Variants in E2F5 observed in about 807,000 individuals in gnomAD.
The protein encoded by E2F5 is E2F transcription factor 5, also known as transcription factor E2F5.
E2F5 carries 23 observed loss-of-function variants against 39.1 expected under a neutral mutation model. The observed-to-expected ratio is 0.59, with a 90% CI of 0.42 to 0.83. E2F5 has a LOEUF of 0.83. E2F5 is among the 40% of genes least tolerant of loss of function. E2F5 has a pLI of 0.00. For missense variants in E2F5, 365 were observed against 406.7 expected (o/e 0.90, Z 0.88); for synonymous variants, 145 against 157.8 (o/e 0.92, Z 0.61).
At chr8:85,178,446 A>G (rs931928713) in intron 1 of E2F5, among the ~76,000 whole-genome samples, 5 of 152,222 alleles carry the variant, frequency 3.3e-5, no homozygotes, top group South Asian at 2.1e-4. Context: ...GCAGGCATCA[A>G]AAGCTGTTCT....
intron 1 of E2F5, among the ~76,000 whole-genome samples, chr8:85,178,449 G>C (rs376404345): frequency 4.6e-5 from 7 of 152,200 alleles, no homozygotes; most frequent in Non-Finnish European, 7.3e-5. Flanking sequence ...GGCATCAAAA[G>C]CTGTTCTGTC....
chr8:85,204,786 C>T (rs890500758), intron 3 of E2F5, among the ~76,000 whole-genome samples: 1 of 152,242 alleles, frequency 6.6e-6, no homozygotes, highest in Non-Finnish European at 1.5e-5. Context: ...GACCTCCTCT[C>T]TCCAGTCCAT....
At position 85,182,494 on chromosome 8, in the gene E2F5, G is replaced by A. The variant is rs4150846; in HGVS notation, c.234+4840G>A. The stretch of plus-strand genomic sequence containing the variant: ...TTCAAAAATAAATGTATGTAGGTAG[G>A]TTTCCATTTGCATAAGGGCATGGAA... On this transcript the variant is annotated intron_variant, in intron 1 of 7. Transcript: ENST00000416274. Among the ~76,000 whole-genome samples the A allele has an allele frequency of 3.8e-3, 580 of 152,280 alleles. 3 individuals are homozygous for A. The highest frequency in any genetic ancestry group is 0.01 in the Middle Eastern group (3 of 294).
intron 1 of E2F5, among the ~76,000 whole-genome samples, chr8:85,182,676 T>C (rs963999465): frequency 1.3e-5 from 2 of 152,220 alleles, no homozygotes; most frequent in Non-Finnish European, 2.9e-5. Flanking sequence ...ACTGTTAAGA[T>C]AGTCATGACT....
chr8:85,207,796 C>T (rs576664336), intron 5 of E2F5, among the ~76,000 whole-genome samples: 2 of 152,064 alleles, frequency 1.3e-5, no homozygotes, highest in South Asian at 2.1e-4. Flanking sequence ...TTGTTTCATA[C>T]AAAAATTAAA....
At chr8:85,180,506 C>CTA (rs1812181927) in intron 1 of E2F5, among the ~76,000 whole-genome samples, 5 of 62,510 alleles carry the variant, frequency 8.0e-5, no homozygotes, top group Non-Finnish European at 1.4e-4. Context: ...GTTAAAGAAA[C>CTA]TATACATATA....
At chr8:85,181,506 T>A (rs1316951977) in intron 1 of E2F5, among the ~76,000 whole-genome samples, 1 of 150,036 alleles carries the variant, frequency 6.7e-6, no homozygotes, top group Non-Finnish European at 1.5e-5. Context: ...AGTTTTGTTT[T>A]TTTTTTTTTT....
chr8:85,183,268 G>A (rs916986913), intron 1 of E2F5, among the ~76,000 whole-genome samples: 2 of 152,032 alleles, frequency 1.3e-5, no homozygotes, highest in African/African-American at 2.4e-5. Context: ...CAGCAACAAC[G>A]ACAACAAAAG....
chr8:85,202,647 C>G (rs867429190), intron 2 of E2F5, among the ~76,000 whole-genome samples: 1 of 152,140 alleles, frequency 6.6e-6, no homozygotes, highest in Non-Finnish European at 1.5e-5. Flanking sequence ...CCTGGTTATA[C>G]GTTTGAATGT....
At chr8:85,207,915 C>T (rs1441019739) in intron 5 of E2F5, among the ~76,000 whole-genome samples, 1 of 152,038 alleles carries the variant, frequency 6.6e-6, no homozygotes, top group Non-Finnish European at 1.5e-5. Context: ...CCCCAAGTAA[C>T]CAAATGATTT....
chr8:85,200,305 C>A, intron 1 of E2F5: 1 of 951,358 alleles, frequency 1.1e-6, no homozygotes, highest in Non-Finnish European at 1.3e-6. Flanking sequence ...GATTCTTTTA[C>A]ATATGATCTG....
At chr8:85,180,686 T>C (rs1257742802) in intron 1 of E2F5, among the ~76,000 whole-genome samples, 1 of 145,662 alleles carries the variant, frequency 6.9e-6, no homozygotes, top group Non-Finnish European at 1.5e-5. Context: ...CATGCCATTC[T>C]CCTGCCTCAG....
rs774209635 is a variant in E2F5 at position 85,209,392 on chromosome 8, C to A, written c.866C>A (p.Ala289Asp). Reference sequence around the variant, plus strand: ...AGCCAGGCTCTGCAGCAGACATCAGCTACAGATATATCTTCAGGTGGGTTC... The same window carrying A: ...AGCCAGGCTCTGCAGCAGACATCAGATACAGATATATCTTCAGGTGGGTTC... ...ERSQALQQTS[A>D]TDISSAGSIS... The change falls in exon 6 of 8, where the codon GCT (alanine) becomes GAT (aspartate). Residue 289 changes from alanine (A) to aspartate (D), a missense_variant. Transcript: ENST00000416274. The A allele has an allele frequency of 3.1e-6, 5 of 1,610,558 alleles. No homozygotes were observed. The highest frequency in any genetic ancestry group is 4.2e-6 in the Non-Finnish European group (5 of 1,178,236).
intron 5 of E2F5, among the ~76,000 whole-genome samples, chr8:85,208,902 C>T (rs923733121): frequency 6.6e-6 from 1 of 152,110 alleles, no homozygotes; most frequent in Non-Finnish European, 1.5e-5. Flanking sequence ...CAGAATTCTA[C>T]AACAGAGAGT....
chr8:85,213,112 G>C (rs1243245249), intron 7 of E2F5: 2 of 151,832 alleles, frequency 1.3e-5, no homozygotes, highest in African/African-American at 4.8e-5. Flanking sequence ...TGGCCAGGCT[G>C]GTCTCAAACT....
chr8:85,204,283 G>A (rs1415746088), intron 3 of E2F5, among the ~76,000 whole-genome samples: 2 of 152,002 alleles, frequency 1.3e-5, no homozygotes, highest in East Asian at 3.9e-4. Flanking sequence ...AAAGTTTTCT[G>A]TATATTATGG....
chr8:85,184,716 C>G (rs987166607), intron 1 of E2F5, among the ~76,000 whole-genome samples: 1 of 152,246 alleles, frequency 6.6e-6, no homozygotes, highest in Admixed American at 6.5e-5. Flanking sequence ...TTCCTATACA[C>G]CAGTAACAGA....
intron 1 of E2F5, among the ~76,000 whole-genome samples, chr8:85,182,136 A>G (rs575882248): frequency 6.6e-6 from 1 of 152,224 alleles, no homozygotes; most frequent in African/African-American, 2.4e-5. Flanking sequence ...TGGAGGTGGG[A>G]TAGTTATTAT....
chr8:85,209,427 C>G lies in E2F5; in HGVS notation c.883+18C>G. The G allele has an allele frequency of 6.3e-7, 1 of 1,575,652 alleles. No homozygotes were observed. The highest frequency in any genetic ancestry group is 8.6e-7 in the Non-Finnish European group (1 of 1,160,448). ...ATCTTCAGGTGGGTTCAGAGCCTTT[C>G]TTTTGTAAATTAGAGAGGGAGAAAT... On this transcript the variant is annotated intron_variant, in intron 6 of 7. Coordinates refer to ENST00000416274, the MANE Select transcript of E2F5 (RefSeq NM_001951.4).
Sources: allele counts gnomAD v4.1 joint callset (sites outside exome capture counted in the v4.1 genomes callset), GRCh38; gene constraint gnomAD v4.1.1; transcripts MANE v1.5; gene names NCBI Gene and HGNC (gene_info 2026-07-23, HGNC 2026-07-21).